The following NPNT variants were observed in gnomAD, a reference collection of about 807,000 sequenced individuals.
NPNT encodes the protein preosteoblast EGF-like repeat protein with MAM domain.
Under a neutral mutation model 68.6 loss-of-function variants are expected in NPNT, and 45 were observed. The ratio of observed to expected loss-of-function variants is 0.66; its 90% CI spans 0.52 to 0.84. The LOEUF (loss-of-function observed/expected upper bound fraction) is 0.84. NPNT is among the 40% of genes least tolerant of loss of function. The pLI is 0.00. For missense variants in NPNT, 672 were observed against 714.8 expected (o/e 0.94, Z 0.68); for synonymous variants, 233 against 253.3 (o/e 0.92, Z 0.76).
At chr4:105,895,947 C>A in intron 1 of NPNT, 1 of 546,426 alleles carries the variant, frequency 1.8e-6, no homozygotes, top group Admixed American at 3.4e-5. Context: ...CCATCCGCGG[C>A]CCCCCGAGGG....
chr4:105,904,830 C>T (rs1726750364), intron 2 of NPNT, among the ~76,000 whole-genome samples: 1 of 152,000 alleles, frequency 6.6e-6, no homozygotes, highest in South Asian at 2.1e-4. Context: ...TACAGGTGTA[C>T]ACCACCACAC....
chr4:105,958,427 TCACACA>T, intron 8 of NPNT, 38 bp from the exon 9 acceptor site: 6 of 1,114,002 alleles, frequency 5.4e-6, no homozygotes, highest in Non-Finnish European at 8.1e-6. Flanking sequence ...TATCAATACT[TCACACA>T]CACACACACA....
chr4:105,923,899 A>C (rs1258455266), intron 2 of NPNT, among the ~76,000 whole-genome samples: 1 of 152,216 alleles, frequency 6.6e-6, no homozygotes, highest in Non-Finnish European at 1.5e-5. Flanking sequence ...CAGAAGGGAA[A>C]GAGATATTGG....
At chr4:105,918,724 T>A (rs1728010630) in intron 2 of NPNT, among the ~76,000 whole-genome samples, 1 of 152,206 alleles carries the variant, frequency 6.6e-6, no homozygotes, top group Admixed American at 6.5e-5. Flanking sequence ...TTCATTTTTA[T>A]ATCCCCAATT....
At position 105,913,120 on chromosome 4, in the gene NPNT, G is replaced by A. The variant is rs188109069; in HGVS notation, c.173-14216G>A. On this transcript the variant is annotated intron_variant, in intron 2 of 11. Coordinates refer to ENST00000379987, the MANE Select transcript of NPNT (RefSeq NM_001033047.3). Reference sequence around the variant, plus strand: ...GACCTCAGGTGATCTGCCGGCCTCGGCCTCCCAAAGTGCTGGGATTACAGG... The same window carrying A: ...GACCTCAGGTGATCTGCCGGCCTCGACCTCCCAAAGTGCTGGGATTACAGG... 8.3e-3 allele frequency among the ~76,000 whole-genome samples: 1,258 copies of A among 152,232 alleles called. 56 individuals are homozygous for A. The highest frequency in any genetic ancestry group is 0.063 in the Admixed American group (957 of 15,278).
At chr4:105,899,433 ATTC>A (rs775145780) in intron 2 of NPNT, among the ~76,000 whole-genome samples, 4 of 152,142 alleles carry the variant, frequency 2.6e-5, no homozygotes, top group Admixed American at 6.6e-5. Context: ...ACCAGGCACC[ATTC>A]TTCTTTTTTG....
rs147505025 is a variant in NPNT at position 105,923,827 on chromosome 4, C to G, written c.173-3509C>G. On this transcript the variant is annotated intron_variant, in intron 2 of 11. Coordinates refer to ENST00000379987, the MANE Select transcript of NPNT (RefSeq NM_001033047.3). ...TAAGGAGAATAGGGAACATAGTTTT[C>G]CATTACTAACCCATCCCCCACTCAA... 8.7e-3 allele frequency among the ~76,000 whole-genome samples: 1,328 copies of G among 152,162 alleles called. 15 individuals carry two copies. Among genetic ancestry groups the G allele is most frequent in the African/African-American group, 0.029 (1,203 of 41,520 alleles).
chr4:105,928,641 T>G (rs1416470672), intron 3 of NPNT, among the ~76,000 whole-genome samples: 3 of 142,346 alleles, frequency 2.1e-5, no homozygotes, highest in Non-Finnish European at 4.6e-5. Flanking sequence ...GAAAAAAAAA[T>G]CATTATTAGG....
intron 2 of NPNT, among the ~76,000 whole-genome samples, chr4:105,917,967 A>C (rs1295610895): frequency 6.6e-6 from 1 of 152,190 alleles, no homozygotes; most frequent in Non-Finnish European, 1.5e-5. Flanking sequence ...GCAGAATGGC[A>C]TGCTGAAATC....
chr4:105,920,156 T>A (rs534415461), intron 2 of NPNT, among the ~76,000 whole-genome samples: 1 of 152,062 alleles, frequency 6.6e-6, no homozygotes, highest in African/African-American at 2.4e-5. Context: ...TTCTTGATGC[T>A]CAAACAATCC....
rs559907875 is a variant in NPNT at position 105,931,413 on chromosome 4, CAG to C, written c.265+3987_265+3988del. Among the ~76,000 whole-genome samples, 493 of 152,018 alleles carry C rather than the reference CAG, an allele frequency of 3.2e-3. 1 individual carries two copies. The highest frequency in any genetic ancestry group is 5.8e-3 in the Admixed American group (88 of 15,270). On this transcript the variant is annotated intron_variant, in intron 3 of 11. Coordinates refer to ENST00000379987, the MANE Select transcript of NPNT (RefSeq NM_001033047.3). ...GAATTGGAGTCTTTTAGGTCAGAAC[CAG>C]ATACTAATTTTGTGGACTAGTTACA... is the stretch of plus-strand genomic sequence containing the variant.
chr4:105,936,505 AT>A (rs1193787030), intron 3 of NPNT, among the ~76,000 whole-genome samples: 1 of 152,226 alleles, frequency 6.6e-6, no homozygotes, highest in Non-Finnish European at 1.5e-5. Flanking sequence ...GTAAAGTAAA[AT>A]ATTCTCAAAG....
chr4:105,965,330 T>A (rs1732030769), intron 10 of NPNT, among the ~76,000 whole-genome samples: 1 of 150,784 alleles, frequency 6.6e-6, no homozygotes, highest in Non-Finnish European at 1.5e-5. Flanking sequence ...ATCATTTCCT[T>A]TATTACAAAG....
intron 8 of NPNT, among the ~76,000 whole-genome samples, chr4:105,949,569 T>C (rs1730654691): frequency 6.6e-6 from 1 of 152,162 alleles, no homozygotes; most frequent in African/African-American, 2.4e-5. Flanking sequence ...AAAAGCCACT[T>C]TTCAAAGACA....
At chr4:105,951,791 A>T (rs1253287288) in intron 8 of NPNT, among the ~76,000 whole-genome samples, 1 of 152,174 alleles carries the variant, frequency 6.6e-6, no homozygotes, top group Admixed American at 6.5e-5. Flanking sequence ...AAACGTATAA[A>T]TGGGCCCTTG....
Position 105,942,662 on chromosome 4 carries a change from G to C in NPNT, c.1119G>C (p.Arg373Ser), listed in dbSNP as rs1730079764. ...TPPGGITVDN[R>S]VQTDPQKPRG... Reference sequence around the variant, plus strand: ...CAGGAGGGATTACAGTTGACAACAGGGTACAGACAGACCCTCAGAAACCCA... The same window carrying C: ...CAGGAGGGATTACAGTTGACAACAGCGTACAGACAGACCCTCAGAAACCCA... The change falls in exon 8 of 12, where the codon AGG becomes AGC. Residue 373 changes from arginine (R) to serine (S), a missense_variant. Coordinates refer to ENST00000379987, the MANE Select transcript of NPNT (RefSeq NM_001033047.3). 1 of 1,613,376 alleles carries C rather than the reference G, an allele frequency of 6.2e-7. No individual in the cohort carries two copies. The highest frequency in any genetic ancestry group is 1.3e-5 in the African/African-American group (1 of 74,866).
intron 2 of NPNT, among the ~76,000 whole-genome samples, chr4:105,898,672 T>C (rs958973975): frequency 2.6e-5 from 4 of 152,168 alleles, no homozygotes; most frequent in Non-Finnish European, 5.9e-5. Context: ...CCTCATGTAA[T>C]AAGTACCAAA....
chr4:105,905,290 G>T (rs140535735), intron 2 of NPNT, among the ~76,000 whole-genome samples: 1 of 151,976 alleles, frequency 6.6e-6, no homozygotes, highest in Admixed American at 6.6e-5. Flanking sequence ...TACTTAAATT[G>T]TCTCCTTTTA....
chr4:105,955,706 T>C (rs1282825548), intron 8 of NPNT, among the ~76,000 whole-genome samples: 1 of 152,112 alleles, frequency 6.6e-6, no homozygotes, highest in Non-Finnish European at 1.5e-5. Context: ...TTTTGGTTTG[T>C]TTTTCTTGTA....
Sources: allele counts gnomAD v4.1 joint callset (sites outside exome capture counted in the v4.1 genomes callset), GRCh38; gene constraint gnomAD v4.1.1; transcripts MANE v1.5; gene names NCBI Gene and HGNC (gene_info 2026-07-23, HGNC 2026-07-21).